MAPK10: variants seen among roughly 807,000 people sequenced by gnomAD.
MAPK10 encodes JNK3 alpha protein kinase.
MAPK10 carries 25 observed loss-of-function variants against 59.3 expected under a neutral mutation model. That is an observed-to-expected ratio of 0.42 (90% CI 0.31 to 0.59). MAPK10 has a LOEUF of 0.59. MAPK10 is among the 20% of genes least tolerant of loss of function. The pLI, the probability that MAPK10 is intolerant of heterozygous loss-of-function variation, is 0.15. For synonymous variants in MAPK10, 190 were observed against 200.5 expected (o/e 0.95, Z 0.44); for missense variants, 351 against 568.9 (o/e 0.62, Z 3.90).
chr4:86,508,178 T>C (rs577433686), intron 1 of MAPK10, among the ~76,000 whole-genome samples: 32 of 152,278 alleles, frequency 2.1e-4, no homozygotes, highest in Non-Finnish European at 4.4e-4. Context: ...TCTTCCTCTC[T>C]GTTATTTAGT....
chr4:86,382,792 G>A (rs1016150808), intron 1 of MAPK10, among the ~76,000 whole-genome samples: 1 of 152,092 alleles, frequency 6.6e-6, no homozygotes, highest in Non-Finnish European at 1.5e-5. Flanking sequence ...CTGTTTTTCT[G>A]TTTCTCAGTA....
At chr4:86,216,295 CATATATAT>C (rs10639041) in intron 2 of MAPK10, among the ~76,000 whole-genome samples, 4,356 of 131,128 alleles carry the variant, frequency 0.033, 152 homozygotes, top group African/African-American at 0.11. Context: ...ATATATATAG[CATATATAT>C]ATATATATAT....
intron 1 of MAPK10, among the ~76,000 whole-genome samples, chr4:86,427,343 T>G (rs1389984231): frequency 2.0e-5 from 3 of 151,898 alleles, no homozygotes; most frequent in African/African-American, 7.2e-5. Context: ...TGTCACTCTC[T>G]CAACGATGCA....
chr4:86,248,755 G>A (rs1309703727), intron 2 of MAPK10, among the ~76,000 whole-genome samples: 2 of 152,102 alleles, frequency 1.3e-5, no homozygotes, highest in Non-Finnish European at 2.9e-5. Context: ...TGTAGACTGA[G>A]GCAAAGAGAA....
intron 1 of MAPK10, among the ~76,000 whole-genome samples, chr4:86,520,813 G>A (rs750204363): frequency 6.6e-6 from 1 of 152,186 alleles, no homozygotes; most frequent in Non-Finnish European, 1.5e-5. Flanking sequence ...ATCCCTTGAT[G>A]TGGTGCTCTC....
intron 1 of MAPK10, among the ~76,000 whole-genome samples, chr4:86,396,214 G>A (rs1050712077): frequency 3.3e-5 from 5 of 152,146 alleles, no homozygotes. Flanking sequence ...AGGCCTGGTG[G>A]CGGGCGCCTG....
At chr4:86,130,108 G>A (rs913497687) in intron 4 of MAPK10, among the ~76,000 whole-genome samples, 4 of 152,048 alleles carry the variant, frequency 2.6e-5, no homozygotes, top group Admixed American at 6.6e-5. Flanking sequence ...AGTGCTACAG[G>A]GAAATGAAAT....
chr4:86,123,298 C>G lies in MAPK10; in HGVS notation c.237-15946G>C, dbSNP rs556230582. Among the ~76,000 whole-genome samples, 4 of 152,016 alleles carry G rather than the reference C, an allele frequency of 2.6e-5. No homozygotes were observed. The South Asian group carries it at 8.3e-4, about 32-fold the overall frequency. On this transcript the variant is annotated intron_variant, in intron 4 of 13. Coordinates refer to ENST00000641462, the MANE Select transcript of MAPK10 (RefSeq NM_138982.4). ...CATATTTTATTTATTCATTCATCTT[C>G]TGATGAACACTTAGATTGATTTCTT...
At chr4:86,086,755 T>C (rs1222358174) in intron 9 of MAPK10, among the ~76,000 whole-genome samples, 3 of 152,168 alleles carry the variant, frequency 2.0e-5, no homozygotes, top group African/African-American at 7.2e-5. Context: ...TATAATTTTA[T>C]TGTATTTTCA....
At chr4:86,018,023 C>A (rs907477451) in intron 13 of MAPK10, among the ~76,000 whole-genome samples, 2 of 152,196 alleles carry the variant, frequency 1.3e-5, no homozygotes, top group African/African-American at 4.8e-5. Context: ...GCCCCGCGGG[C>A]ATTTGCATTT....
intron 1 of MAPK10, among the ~76,000 whole-genome samples, chr4:86,495,247 C>CTA (rs1280342625): frequency 6.6e-6 from 1 of 152,096 alleles, no homozygotes; most frequent in African/African-American, 2.4e-5. Context: ...ATTAAAGGTA[C>CTA]TATAACCAAT....
intron 1 of MAPK10, among the ~76,000 whole-genome samples, chr4:86,417,104 A>G (rs1399826479): frequency 5.3e-5 from 8 of 152,242 alleles, no homozygotes; most frequent in African/African-American, 1.9e-4. Context: ...CCTGGTACTC[A>G]TAGAATTAGT....
chr4:86,063,250 A>G (rs993789232), intron 11 of MAPK10, among the ~76,000 whole-genome samples: 2 of 152,210 alleles, frequency 1.3e-5, no homozygotes, highest in Admixed American at 6.5e-5. Flanking sequence ...TGAATCTAGC[A>G]CCTCTGACAT....
At chr4:86,091,615 G>A (rs899554406) in intron 9 of MAPK10, 6 of 135,786 alleles carry the variant, frequency 4.4e-5, no homozygotes, top group Non-Finnish European at 9.2e-5. Context: ...AACAACAGAT[G>A]GCCTAAATTA....
chr4:86,198,277 C>T (rs939027332), intron 2 of MAPK10, among the ~76,000 whole-genome samples: 3 of 152,072 alleles, frequency 2.0e-5, no homozygotes, highest in African/African-American at 7.2e-5. Context: ...GGCATGATTC[C>T]TGCCCATTAC....
intron 3 of MAPK10, among the ~76,000 whole-genome samples, chr4:86,170,771 AT>A (rs150167461): frequency 0.042 from 6,282 of 151,136 alleles, 178 homozygotes; most frequent in East Asian, 0.075. Context: ...CAGAATATAC[AT>A]TTTTTTCAGC....
chr4:86,157,661 A>C (rs1254142708), intron 4 of MAPK10, among the ~76,000 whole-genome samples: 1 of 152,016 alleles, frequency 6.6e-6, no homozygotes, highest in Non-Finnish European at 1.5e-5. Context: ...AATATAAAAA[A>C]TTTTGCAGTA....
intron 1 of MAPK10, among the ~76,000 whole-genome samples, chr4:86,533,589 GC>G (rs1578023928): frequency 6.6e-6 from 1 of 152,080 alleles, no homozygotes; most frequent in South Asian, 2.1e-4. Context: ...GACAATATTT[GC>G]TCTGCAAGTA....
At chr4:86,452,411 G>A (rs1750822383) in intron 1 of MAPK10, among the ~76,000 whole-genome samples, 1 of 152,246 alleles carries the variant, frequency 6.6e-6, no homozygotes, top group African/African-American at 2.4e-5. Flanking sequence ...AGGCATGGAA[G>A]CAGCTGTAGA....
Sources: gnomAD v4.1 joint callset for allele counts (sites outside exome capture counted in the v4.1 genomes callset) on GRCh38, gnomAD v4.1.1 for gene constraint, MANE v1.5 for transcripts, NCBI Gene and HGNC (gene_info 2026-07-23, HGNC 2026-07-21) for gene names.